PTPRK: variants seen among roughly 807,000 people sequenced by gnomAD.
PTPRK encodes protein tyrosine phosphatase receptor type K.
PTPRK carries 75 observed loss-of-function variants against 178.0 expected under a neutral mutation model. The observed-to-expected ratio is 0.42, with a 90% CI of 0.35 to 0.51. PTPRK has a LOEUF of 0.51. PTPRK is among the 20% of genes least tolerant of loss of function. PTPRK has a pLI of 0.02. For synonymous variants in PTPRK, 637 were observed against 620.6 expected (o/e 1.03, Z -0.39); for missense variants, 1,441 against 1,797.8 (o/e 0.80, Z 3.59).
At chr6:128,220,575 T>C (rs528108716) in intron 5 of PTPRK, among the ~76,000 whole-genome samples, 18 of 152,328 alleles carry the variant, frequency 1.2e-4, no homozygotes, top group African/African-American at 4.1e-4. Flanking sequence ...AGAGTGACTT[T>C]AGAAAATGAT....
At chr6:128,323,637 A>G (rs1829142609) in intron 2 of PTPRK, among the ~76,000 whole-genome samples, 1 of 152,128 alleles carries the variant, frequency 6.6e-6, no homozygotes. Context: ...GGTGTCAACT[A>G]TTTGAGAAGC....
At chr6:128,418,278 G>A (rs1017348656) in intron 1 of PTPRK, among the ~76,000 whole-genome samples, 2 of 152,094 alleles carry the variant, frequency 1.3e-5, no homozygotes, top group Admixed American at 6.5e-5. Context: ...CCTAGAGGTC[G>A]CAGTCCTCAT....
At chr6:128,087,330 T>G (rs1380876035) in intron 8 of PTPRK, among the ~76,000 whole-genome samples, 3 of 152,128 alleles carry the variant, frequency 2.0e-5, no homozygotes, top group Non-Finnish European at 2.9e-5. Flanking sequence ...TGATTTTTTT[T>G]TTAAGGGTAG....
chr6:128,328,820 T>C (rs577313780), intron 2 of PTPRK, among the ~76,000 whole-genome samples: 3 of 152,262 alleles, frequency 2.0e-5, no homozygotes, highest in Admixed American at 1.3e-4. Flanking sequence ...AAAATAACCA[T>C]TTCCCAAAAT....
chr6:128,036,934 G>A lies in PTPRK; in HGVS notation c.2195-27666C>T, dbSNP rs184848063. 2.0e-5 allele frequency among the ~76,000 whole-genome samples: 3 copies of A among 152,180 alleles called. No individual in the cohort carries two copies. The East Asian group carries it at 5.8e-4, about 29-fold the overall frequency. On this transcript the variant is annotated intron_variant, in intron 13 of 29. Transcript: ENST00000368226. ...TTTAGTACAGATAGGGTTTCACCAC[G>A]TTGGCCAGAATGCTCTTGAACTCCT...
At chr6:128,008,132 T>G in intron 14 of PTPRK, 1 of 1,173,266 alleles carries the variant, frequency 8.5e-7, no homozygotes, top group Non-Finnish European at 1.2e-6. Flanking sequence ...AAATAAACTC[T>G]GATGGAATCA....
chr6:128,056,037 C>G (rs1203853051), intron 13 of PTPRK, among the ~76,000 whole-genome samples: 1 of 149,650 alleles, frequency 6.7e-6, no homozygotes, highest in African/African-American at 2.5e-5. Context: ...GTGTAAGCCC[C>G]GGCAATGTGG....
chr6:128,001,761 A>C (rs1181451127), intron 15 of PTPRK, among the ~76,000 whole-genome samples: 1 of 152,002 alleles, frequency 6.6e-6, no homozygotes, highest in Non-Finnish European at 1.5e-5. Flanking sequence ...AATCCACAGG[A>C]GGACCGAGAC....
At chr6:128,417,044 C>G (rs1440882572) in intron 1 of PTPRK, among the ~76,000 whole-genome samples, 6 of 149,460 alleles carry the variant, frequency 4.0e-5, no homozygotes, top group Non-Finnish European at 8.9e-5. Context: ...AGATAATTAT[C>G]TATATAATTT....
chr6:128,045,706 T>G (rs1207113417), intron 13 of PTPRK, among the ~76,000 whole-genome samples: 1 of 152,098 alleles, frequency 6.6e-6, no homozygotes, highest in Non-Finnish European at 1.5e-5. Context: ...TGAATAACAA[T>G]ATTAATTAAT....
chr6:128,189,206 T>TTA (rs201936100), intron 6 of PTPRK, among the ~76,000 whole-genome samples: 2,574 of 150,256 alleles, frequency 0.017, 48 homozygotes, highest in South Asian at 0.026. Context: ...AGTTAATAAT[T>TTA]TATATATATA....
intron 6 of PTPRK, among the ~76,000 whole-genome samples, chr6:128,192,809 C>T (rs1270857018): frequency 7.0e-6 from 1 of 142,160 alleles, no homozygotes; most frequent in Non-Finnish European, 1.5e-5. Flanking sequence ...AGAATGAGAC[C>T]CTATATCAGA....
intron 5 of PTPRK, among the ~76,000 whole-genome samples, chr6:128,226,071 C>CCA (rs545334761): frequency 4.0e-4 from 61 of 152,232 alleles, no homozygotes; most frequent in African/African-American, 1.3e-3. Flanking sequence ...ATAAGAGGAG[C>CCA]CACACGGACA....
intron 7 of PTPRK, among the ~76,000 whole-genome samples, chr6:128,170,686 T>C (rs977776696): frequency 4.6e-5 from 7 of 151,966 alleles, no homozygotes; most frequent in Non-Finnish European, 7.4e-5. Context: ...GCACATGTTG[T>C]CACTAAAGAA....
At chr6:128,113,269 A>C (rs1244519353) in intron 7 of PTPRK, among the ~76,000 whole-genome samples, 2 of 151,968 alleles carry the variant, frequency 1.3e-5, no homozygotes, top group African/African-American at 2.4e-5. Context: ...ATGTACACAG[A>C]CAGAAGAAAA....
chr6:127,976,677 T>TA lies in PTPRK; in HGVS notation c.3948dup (p.Arg1317Ter), dbSNP rs766644545. On this transcript the variant is annotated frameshift_variant, in exon 27 of 30. Transcript: ENST00000368226. LOFTEE classifies it high-confidence loss of function. ...CTTACTCTTGTTAGATTGCATATCC[T>TA]AAAAATCCGGTTGATCACATCACAG... 6.2e-7 allele frequency: 1 copy of TA among 1,614,016 alleles called. No individual in the cohort carries two copies. The highest frequency in any genetic ancestry group is 1.1e-5 in the South Asian group (1 of 91,066).
At chr6:127,996,362 A>G (rs934146975) in intron 17 of PTPRK, among the ~76,000 whole-genome samples, 5 of 152,160 alleles carry the variant, frequency 3.3e-5, no homozygotes, top group African/African-American at 1.2e-4. Context: ...ATGTACAAAC[A>G]TGAAATCAAA....
intron 7 of PTPRK, among the ~76,000 whole-genome samples, chr6:128,124,611 C>G: frequency 6.6e-6 from 1 of 152,134 alleles, no homozygotes; most frequent in East Asian, 1.9e-4. Flanking sequence ...CCACAAACCT[C>G]AGGCAACCAC....
At chr6:128,230,116 G>A (rs550460727) in intron 5 of PTPRK, among the ~76,000 whole-genome samples, 2 of 152,308 alleles carry the variant, frequency 1.3e-5, no homozygotes, top group South Asian at 4.1e-4. Flanking sequence ...CACCTATGGT[G>A]TTGCCAAAGG....
Sources: allele counts gnomAD v4.1 joint callset (sites outside exome capture counted in the v4.1 genomes callset), GRCh38; gene constraint gnomAD v4.1.1; transcripts MANE v1.5; gene names NCBI Gene and HGNC (gene_info 2026-07-23, HGNC 2026-07-21).